Variants in FRAS1 observed in about 807,000 individuals in gnomAD.
FRAS1 encodes the protein Fraser extracellular matrix complex subunit 1.
In FRAS1, 290 loss-of-function variants were observed where a neutral mutation model predicts 435.2. That is an observed-to-expected ratio of 0.67 (90% CI 0.61 to 0.73). FRAS1 has a LOEUF of 0.73. FRAS1 is among the 30% of genes least tolerant of loss of function. The probability of loss-of-function intolerance (pLI) is 0.00; values close to 1 mark genes in which losing one functional copy is unlikely to be tolerated. For missense variants in FRAS1, 4,860 were observed against 5,001.5 expected (o/e 0.97, Z 0.85); for synonymous variants, 1,800 against 1,851.0 (o/e 0.97, Z 0.71).
chr4:78,450,215 G>T lies in FRAS1; in HGVS notation c.6339G>T (p.Gln2113His). Residue 2113 changes from glutamine to histidine, a missense_variant, in exon 45 of 74, where the codon CAG becomes CAT. Coordinates refer to ENST00000512123, the MANE Select transcript of FRAS1 (RefSeq NM_025074.7). ...KVTDIDSDDH[Q>H]VMYIMKEDPG... is the part of the protein sequence containing the mutation. Reference sequence around the variant, plus strand: ...CAGATATTGACTCAGATGACCATCAGGTTATGTACATCATGAAGGAAGATC... The same window carrying T: ...CAGATATTGACTCAGATGACCATCATGTTATGTACATCATGAAGGAAGATC... 1 of 1,613,702 alleles carries T rather than the reference G, an allele frequency of 6.2e-7. No homozygotes were observed. The highest frequency in any genetic ancestry group is 1.1e-5 in the South Asian group (1 of 91,074).
At chr4:78,533,389 C>T (rs1390745) in intron 70 of FRAS1, among the ~76,000 whole-genome samples, 145,996 of 152,236 alleles carry the variant, frequency 0.96, 70,293 homozygotes, top group South Asian at 1. Context: ...GGTCCAGAGA[C>T]TGAAAGAAGG....
intron 9 of FRAS1, among the ~76,000 whole-genome samples, chr4:78,277,716 A>G (rs997035302): frequency 3.9e-5 from 6 of 152,188 alleles, no homozygotes; most frequent in Admixed American, 6.5e-5. Flanking sequence ...TAAAAATTTT[A>G]AAATTATTGA....
chr4:78,078,283 T>C (rs1455687883), intron 2 of FRAS1, among the ~76,000 whole-genome samples: 1 of 152,176 alleles, frequency 6.6e-6, no homozygotes, highest in Non-Finnish European at 1.5e-5. Context: ...TTTGGGCACA[T>C]TCCTTAGCAA....
At chr4:78,122,637 T>A (rs1719095596) in intron 2 of FRAS1, among the ~76,000 whole-genome samples, 1 of 152,194 alleles carries the variant, frequency 6.6e-6, no homozygotes, top group South Asian at 2.1e-4. Context: ...CTCCAGCATC[T>A]GTTGTTTCCT....
At chr4:78,260,269 A>G (rs1000610175) in intron 6 of FRAS1, among the ~76,000 whole-genome samples, 2 of 151,670 alleles carry the variant, frequency 1.3e-5, no homozygotes, top group African/African-American at 4.8e-5. Flanking sequence ...TGGGGATGGC[A>G]TTGAATCTGT....
intron 1 of FRAS1, among the ~76,000 whole-genome samples, chr4:78,063,202 C>CT (rs1249852406): frequency 6.6e-6 from 1 of 152,208 alleles, no homozygotes; most frequent in Non-Finnish European, 1.5e-5. Flanking sequence ...GACCTCCACT[C>CT]TGGCTTTCAA....
intron 9 of FRAS1, among the ~76,000 whole-genome samples, chr4:78,272,450 C>A (rs555248810): frequency 1.3e-5 from 2 of 152,008 alleles, no homozygotes; most frequent in Admixed American, 1.3e-4. Flanking sequence ...TTTAGGTCTG[C>A]CATTTAAGTC....
chr4:78,494,623 C>T (rs1429735213), intron 59 of FRAS1, among the ~76,000 whole-genome samples: 1 of 152,124 alleles, frequency 6.6e-6, no homozygotes, highest in African/African-American at 2.4e-5. Context: ...ACATCTTCCA[C>T]CAGGCCCCAC....
chr4:78,359,889 C>T (rs1731009183), intron 20 of FRAS1, among the ~76,000 whole-genome samples: 1 of 152,122 alleles, frequency 6.6e-6, no homozygotes, highest in African/African-American at 2.4e-5. Context: ...TGTTTGGGGA[C>T]TGATCTGATG....
At chr4:78,296,347 A>T (rs946838148) in intron 14 of FRAS1, among the ~76,000 whole-genome samples, 1 of 152,030 alleles carries the variant, frequency 6.6e-6, no homozygotes, top group African/African-American at 2.4e-5. Context: ...AAAGCCTTCA[A>T]TTGGCAAAGG....
chr4:78,236,767 G>T (rs995794175), intron 2 of FRAS1, among the ~76,000 whole-genome samples: 1 of 152,216 alleles, frequency 6.6e-6, no homozygotes, highest in African/African-American at 2.4e-5. Context: ...CCTTAACTGA[G>T]CCAGGGTTCA....
At chr4:78,140,836 T>G (rs899830008) in intron 2 of FRAS1, among the ~76,000 whole-genome samples, 2 of 151,964 alleles carry the variant, frequency 1.3e-5, no homozygotes, top group East Asian at 3.9e-4. Context: ...AAGGAATGAA[T>G]TAACAGCATT....
intron 61 of FRAS1, among the ~76,000 whole-genome samples, chr4:78,503,550 G>A (rs1472329106): frequency 4.6e-5 from 7 of 152,090 alleles, no homozygotes; most frequent in Admixed American, 1.3e-4. Flanking sequence ...CTGTGGGATC[G>A]GTGGTGAGAT....
At chr4:78,490,448 C>G (rs1720313262) in intron 59 of FRAS1, among the ~76,000 whole-genome samples, 1 of 152,170 alleles carries the variant, frequency 6.6e-6, no homozygotes, top group Non-Finnish European at 1.5e-5. Context: ...GAAATCATAA[C>G]AAACAGTCTC....
intron 39 of FRAS1, 70 bp from the exon 40 acceptor site, chr4:78,438,832 C>T: frequency 6.6e-7 from 1 of 1,515,384 alleles, no homozygotes; most frequent in Non-Finnish European, 9.0e-7. Flanking sequence ...CATTTTTAAA[C>T]AAAGATGCTG....
chr4:78,385,900 A>T (rs1028226759), intron 28 of FRAS1, among the ~76,000 whole-genome samples: 1 of 151,526 alleles, frequency 6.6e-6, no homozygotes, highest in South Asian at 2.1e-4. Context: ...AAAAAAAAAA[A>T]GCTGAAACAG....
At position 78,188,271 on chromosome 4, in the gene FRAS1, ATCTGTCTG is replaced by A. The variant is rs140199778; in HGVS notation, c.109-49235_109-49228del. Among the ~76,000 whole-genome samples the A allele has an allele frequency of 1.3e-4, 20 of 151,006 alleles. No individual in the cohort carries two copies. The East Asian group carries it at 2.6e-3, about 19-fold the overall frequency. ...AGAAACAGAACCAGTAGGACAGTCT[ATCTGTCTG>A]TCTATCTATCTATCTATCTATCTAT... On this transcript the variant is annotated intron_variant, in intron 2 of 73. Transcript: ENST00000512123.
chr4:78,313,146 A>G (rs1729100663), intron 15 of FRAS1, among the ~76,000 whole-genome samples: 1 of 152,176 alleles, frequency 6.6e-6, no homozygotes, highest in Non-Finnish European at 1.5e-5. Flanking sequence ...TTCTGTTGAG[A>G]TGTCAGTTCT....
intron 2 of FRAS1, among the ~76,000 whole-genome samples, chr4:78,153,002 A>C (rs1720735193): frequency 6.6e-6 from 1 of 151,848 alleles, no homozygotes; most frequent in Non-Finnish European, 1.5e-5. Context: ...TTGAGCTTTT[A>C]TGATTGTTTG....
Sources: allele counts gnomAD v4.1 joint callset (sites outside exome capture counted in the v4.1 genomes callset), GRCh38; gene constraint gnomAD v4.1.1; transcripts MANE v1.5; gene names NCBI Gene and HGNC (gene_info 2026-07-23, HGNC 2026-07-21).